TMEM182: variants seen among roughly 807,000 people sequenced by gnomAD.
TMEM182 encodes the protein transmembrane protein 182.
TMEM182 carries 20 observed loss-of-function variants against 26.8 expected under a neutral mutation model. That is an observed-to-expected ratio of 0.75 (90% CI 0.53 to 1.09). The LOEUF (loss-of-function observed/expected upper bound fraction) is 1.09, where lower values mean the gene tolerates loss of function less well. TMEM182 is among the 50% of genes least tolerant of loss of function. TMEM182 has a pLI of 0.00. For synonymous variants in TMEM182, 109 were observed against 102.2 expected (o/e 1.07, Z -0.40); for missense variants, 277 against 275.5 (o/e 1.01, Z -0.04).
chr2:102,798,838 T>TAA (rs879341029), intron 4 of TMEM182, among the ~76,000 whole-genome samples: 2 of 146,044 alleles, frequency 1.4e-5, no homozygotes, highest in African/African-American at 5.0e-5. Flanking sequence ...AGACTTTGTC[T>TAA]AAAAAAAAAA....
intron 1 of TMEM182, among the ~76,000 whole-genome samples, chr2:102,756,512 G>C (rs1680036840): frequency 6.6e-6 from 1 of 152,012 alleles, no homozygotes; most frequent in Non-Finnish European, 1.5e-5. Context: ...GTTGGAGACT[G>C]GTCTGGCCAA....
intron 3 of TMEM182, among the ~76,000 whole-genome samples, chr2:102,790,724 C>T (rs1263627175): frequency 6.6e-6 from 1 of 152,168 alleles, no homozygotes; most frequent in East Asian, 1.9e-4. Flanking sequence ...TTGAATTTGA[C>T]CATTCAGATA....
At chr2:102,801,153 G>C (rs1682112265) in intron 4 of TMEM182, among the ~76,000 whole-genome samples, 1 of 152,110 alleles carries the variant, frequency 6.6e-6, no homozygotes, top group Admixed American at 6.5e-5. Flanking sequence ...TGTCCAAGGT[G>C]TTCCCATTTT....
intron 4 of TMEM182, among the ~76,000 whole-genome samples, chr2:102,803,264 G>A (rs1160981041): frequency 1.3e-5 from 2 of 152,214 alleles, no homozygotes; most frequent in African/African-American, 4.8e-5. Context: ...CCAGGGATAT[G>A]AGCAGGGCTG....
intron 4 of TMEM182, among the ~76,000 whole-genome samples, chr2:102,809,818 G>A (rs143610664): frequency 7.8e-4 from 119 of 152,256 alleles, no homozygotes; most frequent in African/African-American, 2.8e-3. Flanking sequence ...CAGCCTTTAC[G>A]TAGAAAAAGG....
At chr2:102,806,344 A>C (rs937641386) in intron 4 of TMEM182, among the ~76,000 whole-genome samples, 4 of 152,206 alleles carry the variant, frequency 2.6e-5, no homozygotes, top group African/African-American at 4.8e-5. Context: ...TGGACACTCA[A>C]AGAAGAAATT....
chr2:102,795,964 G>A (rs1681852540), intron 3 of TMEM182, among the ~76,000 whole-genome samples: 1 of 152,086 alleles, frequency 6.6e-6, no homozygotes, highest in Non-Finnish European at 1.5e-5. Flanking sequence ...TCTATCTAGA[G>A]GGTTGGGTCA....
At chr2:102,814,621 T>G in intron 4 of TMEM182, 127 bp from the exon 5 acceptor site, 1 of 758,538 alleles carries the variant, frequency 1.3e-6, no homozygotes, top group Non-Finnish European at 2.1e-6. Flanking sequence ...AGGTCTGACG[T>G]AGAGTATTTG....
intron 3 of TMEM182, among the ~76,000 whole-genome samples, chr2:102,830,366 A>C (rs1471921664): frequency 6.6e-6 from 1 of 152,198 alleles, no homozygotes; most frequent in African/African-American, 2.4e-5. Context: ...GGCTTTCAGC[A>C]CTTGGGTTTT....
intron 3 of TMEM182, among the ~76,000 whole-genome samples, chr2:102,777,435 G>C (rs970000624): frequency 2.0e-5 from 3 of 152,022 alleles, no homozygotes; most frequent in African/African-American, 7.2e-5. Context: ...CTTTTTGTCA[G>C]ATTAGTTGAT....
intron 1 of TMEM182, among the ~76,000 whole-genome samples, chr2:102,756,511 T>C (rs1276712196): frequency 1.3e-5 from 2 of 150,318 alleles, no homozygotes; most frequent in African/African-American, 4.9e-5. Flanking sequence ...AGTTGGAGAC[T>C]GGTCTGGCCA....
At chr2:102,841,222 G>T (rs1325555298) in intron 3 of TMEM182, among the ~76,000 whole-genome samples, 2 of 152,164 alleles carry the variant, frequency 1.3e-5, no homozygotes, top group Non-Finnish European at 2.9e-5. Context: ...CTGGGGCCAG[G>T]CTGGGACTCC....
intron 1 of TMEM182, among the ~76,000 whole-genome samples, chr2:102,739,105 C>T (rs561126547): frequency 3.9e-5 from 6 of 152,138 alleles, no homozygotes; most frequent in Non-Finnish European, 5.9e-5. Context: ...AGGATACCAC[C>T]TTTAAGATAA....
chr2:102,816,162 A>G lies in TMEM182; in HGVS notation c.*1194A>G. On this transcript the variant is annotated 3_prime_UTR_variant, in exon 5 of 5. Transcript: ENST00000412401. ...GTTCATTTGGCACTAATGTTGATTG[A>G]AATCAAATCCATCTGAGATGCCTAG... 1 of 985,436 alleles carries G rather than the reference A, an allele frequency of 1.0e-6. No homozygotes were observed. The highest frequency in any genetic ancestry group is 1.2e-6 in the Non-Finnish European group (1 of 829,942). The allele number at this position is 985,436 out of a possible 1,614,324, so 61.0% of individuals were successfully genotyped here.
chr2:102,787,463 C>A (rs1011543286), intron 3 of TMEM182, among the ~76,000 whole-genome samples: 4 of 152,200 alleles, frequency 2.6e-5, no homozygotes, highest in Admixed American at 1.3e-4. Flanking sequence ...TTATTTACTT[C>A]CTCAAGTCTC....
chr2:102,804,798 C>T (rs1415918091), intron 4 of TMEM182, among the ~76,000 whole-genome samples: 1 of 152,220 alleles, frequency 6.6e-6, no homozygotes, highest in African/African-American at 2.4e-5. Context: ...TCAGATGCAT[C>T]TCTTGTACTA....
upstream of TMEM182, among the ~76,000 whole-genome samples, chr2:102,757,975 A>T (rs139530239): frequency 1.3e-5 from 2 of 152,324 alleles, no homozygotes; most frequent in African/African-American, 2.4e-5. Flanking sequence ...GCAAGGGGGA[A>T]ATCCATCCCC....
chr2:102,814,706 A>G (rs765725265), intron 4 of TMEM182, 42 bp from the exon 5 acceptor site: 1 of 1,556,162 alleles, frequency 6.4e-7, no homozygotes. Flanking sequence ...TTGAGAAAAC[A>G]TCTTCAGAAA....
intron 1 of TMEM182, among the ~76,000 whole-genome samples, chr2:102,742,896 TTAGCCA>T (rs1679583565): frequency 6.6e-6 from 1 of 152,144 alleles, no homozygotes; most frequent in African/African-American, 2.4e-5. Context: ...TTCATTTCCA[TTAGCCA>T]TGCCTTTCAA....
Sources: gnomAD v4.1 joint callset for allele counts (sites outside exome capture counted in the v4.1 genomes callset) on GRCh38, gnomAD v4.1.1 for gene constraint, MANE v1.5 for transcripts, NCBI Gene and HGNC (gene_info 2026-07-23, HGNC 2026-07-21) for gene names.